The following ADAM32 variants were observed in gnomAD, a reference collection of about 807,000 sequenced individuals.
ADAM32 encodes the protein ADAM metallopeptidase domain 32.
A neutral mutation model predicts 114.9 loss-of-function variants in ADAM32; 89 were observed. That is an observed-to-expected ratio of 0.77 (90% CI 0.65 to 0.92). The LOEUF is 0.92. Among genes scored for constraint, ADAM32 ranks in the 40% least tolerant of loss-of-function variants. The probability of loss-of-function intolerance (pLI) is 0.00; values close to 1 mark genes in which losing one functional copy is unlikely to be tolerated. For synonymous variants in ADAM32, 285 were observed against 307.5 expected (o/e 0.93, Z 0.77); for missense variants, 870 against 932.8 (o/e 0.93, Z 0.88).
chr8:39,232,520 C>G (rs1433607708), intron 15 of ADAM32, among the ~76,000 whole-genome samples: 3 of 152,068 alleles, frequency 2.0e-5, no homozygotes, highest in Admixed American at 2.0e-4. Flanking sequence ...ATATTTTGAT[C>G]ATGAGTTTAT....
intron 2 of ADAM32, among the ~76,000 whole-genome samples, chr8:39,123,768 G>A (rs1402969990): frequency 1.2e-4 from 18 of 148,270 alleles, no homozygotes; most frequent in African/African-American, 2.7e-4. Flanking sequence ...GTGCAGTGGC[G>A]CGATCTTGGC....
At chr8:39,252,192 C>G (rs1281073826) in intron 17 of ADAM32, among the ~76,000 whole-genome samples, 2 of 151,484 alleles carry the variant, frequency 1.3e-5, no homozygotes, top group Non-Finnish European at 3.0e-5. Flanking sequence ...TTGCTGACCA[C>G]ATATTAAGTC....
chr8:39,195,021 C>A (rs1313423968), intron 11 of ADAM32, among the ~76,000 whole-genome samples: 1 of 152,152 alleles, frequency 6.6e-6, no homozygotes, highest in Non-Finnish European at 1.5e-5. Flanking sequence ...TTGCTTCTTG[C>A]CTGTTAAACT....
rs1564609607 is a variant in ADAM32 at position 39,211,172 on chromosome 8, AGTTGCAGTTTGAG to A, written c.1083_1095del (p.Ser361ArgfsTer62). ...ATCCAATGGTGTGAAGACTTTTAGC[AGTTGCAGTTTGAG>A]GAGCTTTCAAAATTTCATTTCAAAT... On this transcript the variant is annotated frameshift_variant, in exon 12 of 25. Transcript: ENST00000379907. LOFTEE classifies it high-confidence loss of function. 1 of 1,600,814 alleles carries A rather than the reference AGTTGCAGTTTGAG, an allele frequency of 6.2e-7. No individual in the cohort carries two copies. The highest frequency in any genetic ancestry group is 1.1e-5 in the South Asian group (1 of 88,414).
At chr8:39,231,917 T>C (rs901770151) in intron 14 of ADAM32, 110 bp from the exon 15 acceptor site, 27 of 886,306 alleles carry the variant, frequency 3.0e-5, no homozygotes, top group Non-Finnish European at 4.6e-5. Context: ...CTAGGAAAAA[T>C]GTTTCAATTA....
chr8:39,205,675 C>CA (rs1248170437), intron 11 of ADAM32, among the ~76,000 whole-genome samples: 1 of 152,242 alleles, frequency 6.6e-6, no homozygotes, highest in Non-Finnish European at 1.5e-5. Flanking sequence ...CCTGGAACCT[C>CA]AGTTTGAAAT....
At chr8:39,157,727 C>T in intron 6 of ADAM32, 1 of 1,324,944 alleles carries the variant, frequency 7.5e-7, no homozygotes, top group South Asian at 1.2e-5. Flanking sequence ...CTCTTAGTTC[C>T]CACCACACAG....
intron 7 of ADAM32, 126 bp from the exon 8 acceptor site, chr8:39,164,638 T>C (rs1804714123): frequency 3.3e-6 from 2 of 610,764 alleles, no homozygotes; most frequent in Admixed American, 3.7e-5. Flanking sequence ...TTTTTACTTA[T>C]TAATGTTTTA....
At chr8:39,176,408 A>C (rs944420932) in intron 10 of ADAM32, among the ~76,000 whole-genome samples, 1 of 152,180 alleles carries the variant, frequency 6.6e-6, no homozygotes, top group Non-Finnish European at 1.5e-5. Flanking sequence ...TTAGTTTCAA[A>C]GAACTTCTTG....
At position 39,241,572 on chromosome 8, in the gene ADAM32, A is replaced by T. The variant is rs539539686; in HGVS notation, c.1819-4511A>T. Among the ~76,000 whole-genome samples the T allele has an allele frequency of 1.2e-4, 18 of 152,326 alleles. No individual in the cohort carries two copies. The South Asian group carries it at 3.5e-3, about 30-fold the overall frequency. On this transcript the variant is annotated intron_variant, in intron 16 of 24. Coordinates refer to ENST00000379907, the MANE Select transcript of ADAM32 (RefSeq NM_145004.7). ...CATCCACAGCCTCAACAACACATGG[A>T]AGCTGCCAAGGCTTGGGCTTCCACC...
chr8:39,283,832 G>T (rs1353195466), intron 24 of ADAM32, among the ~76,000 whole-genome samples: 1 of 143,466 alleles, frequency 7.0e-6, no homozygotes, highest in Non-Finnish European at 1.5e-5. Context: ...GGAGTGCAAT[G>T]GTGCGATCTC....
intron 3 of ADAM32, among the ~76,000 whole-genome samples, chr8:39,140,366 G>C (rs1009444345): frequency 7.2e-5 from 11 of 152,094 alleles, no homozygotes; most frequent in Non-Finnish European, 1.3e-4. Context: ...TAGCATGAAG[G>C]GCTGTTGAAT....
At chr8:39,114,201 A>G (rs1450473166) in intron 1 of ADAM32, among the ~76,000 whole-genome samples, 1 of 152,222 alleles carries the variant, frequency 6.6e-6, no homozygotes, top group Non-Finnish European at 1.5e-5. Context: ...GTGTCAGTTC[A>G]GAGTCAGTAA....
At chr8:39,251,333 T>C (rs1417733214) in intron 17 of ADAM32, among the ~76,000 whole-genome samples, 1 of 151,746 alleles carries the variant, frequency 6.6e-6, no homozygotes, top group Non-Finnish European at 1.5e-5. Context: ...CTCGCCAGCA[T>C]TGGCTGTTCC....
At chr8:39,173,111 A>T (rs1805297452) in intron 10 of ADAM32, among the ~76,000 whole-genome samples, 2 of 152,238 alleles carry the variant, frequency 1.3e-5, no homozygotes, top group South Asian at 4.1e-4. Flanking sequence ...TACAAAAATT[A>T]GCCAGGCATG....
intron 6 of ADAM32, among the ~76,000 whole-genome samples, chr8:39,154,256 T>C (rs1347682012): frequency 6.6e-6 from 1 of 152,058 alleles, no homozygotes; most frequent in Non-Finnish European, 1.5e-5. Flanking sequence ...GTTCTCATTG[T>C]TCATCTCCCA....
At chr8:39,150,279 T>C (rs544676229) in intron 5 of ADAM32, among the ~76,000 whole-genome samples, 1 of 152,216 alleles carries the variant, frequency 6.6e-6, no homozygotes, top group South Asian at 2.1e-4. Context: ...TTTGTAACTA[T>C]AAAAAAGTGA....
At chr8:39,124,060 G>A (rs562258245) in intron 2 of ADAM32, among the ~76,000 whole-genome samples, 1 of 151,560 alleles carries the variant, frequency 6.6e-6, no homozygotes, top group Non-Finnish European at 1.5e-5. Flanking sequence ...TGCATGTACA[G>A]GTTGTGCAGG....
intron 1 of ADAM32, among the ~76,000 whole-genome samples, chr8:39,115,381 C>T (rs1429165710): frequency 2.0e-5 from 3 of 152,166 alleles, no homozygotes; most frequent in Non-Finnish European, 1.5e-5. Flanking sequence ...TTCTCCCCAG[C>T]AGTGTATAAG....
Sources: gnomAD v4.1 joint callset for allele counts (sites outside exome capture counted in the v4.1 genomes callset) on GRCh38, gnomAD v4.1.1 for gene constraint, MANE v1.5 for transcripts, NCBI Gene and HGNC (gene_info 2026-07-23, HGNC 2026-07-21) for gene names.